The following DCPS variants were observed in gnomAD, a reference collection of about 807,000 sequenced individuals.
The protein encoded by DCPS is m7GpppX diphosphatase.
In DCPS, 27 loss-of-function variants were observed where a neutral mutation model predicts 34.7. The ratio of observed to expected loss-of-function variants is 0.78; its 90% CI spans 0.57 to 1.07. The LOEUF is 1.07. DCPS is among the 50% of genes least tolerant of loss of function. The pLI is 0.00. For missense variants in DCPS, 464 were observed against 436.9 expected (o/e 1.06, Z -0.55); for synonymous variants, 185 against 185.7 (o/e 1.00, Z 0.03).
intron 2 of DCPS, among the ~76,000 whole-genome samples, chr11:126,326,500 G>A (rs2135322920): frequency 6.6e-6 from 1 of 152,310 alleles, no homozygotes; most frequent in Non-Finnish European, 1.5e-5. Context: ...ATTTTTGCGT[G>A]TCAGGCTTAG....
rs1951847877 is a variant in DCPS at position 126,338,182 on chromosome 11, T to G, written c.523-104T>G. 9.3e-7 allele frequency: 1 copy of G among 1,076,990 alleles called. No individual in the cohort carries two copies. The allele number at this position is 1,076,990 out of a possible 1,614,324, so 66.7% of individuals were successfully genotyped here. A position where few individuals can be genotyped will look rare whatever the true frequency, so the allele number is the denominator to read the frequency against. Reference sequence around the variant, plus strand: ...AGCGTGGCGGCCTTTTATGGCTTGGTTCTGTCTCCTGGAGAGGCCAGGGAA... The same window carrying G: ...AGCGTGGCGGCCTTTTATGGCTTGGGTCTGTCTCCTGGAGAGGCCAGGGAA... On this transcript the variant is annotated intron_variant, in intron 3 of 5. Coordinates refer to ENST00000263579, the MANE Select transcript of DCPS (RefSeq NM_014026.6). The surrounding 1 kb of genome is among the most constrained non-coding windows in gnomAD (Gnocchi z 5.4).
intron 4 of DCPS, among the ~76,000 whole-genome samples, chr11:126,340,179 G>A (rs1951865594): frequency 6.6e-6 from 1 of 152,176 alleles, no homozygotes; most frequent in Non-Finnish European, 1.5e-5. Flanking sequence ...TCCCCTTTAA[G>A]ACAGGAAAGA....
chr11:126,329,160 G>A lies in DCPS; in HGVS notation c.377-2245G>A, dbSNP rs1951763203. Among the ~76,000 whole-genome samples, 1 of 152,130 alleles carries A rather than the reference G, an allele frequency of 6.6e-6. No homozygotes were observed. The highest frequency in any genetic ancestry group is 2.4e-5 in the African/African-American group (1 of 41,426). On this transcript the variant is annotated intron_variant, in intron 2 of 5. Transcript: ENST00000263579. The surrounding 1 kb of genome is among the most constrained non-coding windows in gnomAD (Gnocchi z 5.0). The stretch of plus-strand genomic sequence containing the variant: ...TGAGATCTTGGTGTGCCTGACCTCT[G>A]ACCTCTGGCCCATGACCTATGACGC...
Position 126,315,041 on chromosome 11 carries a change from A to G in DCPS, c.376+8297A>G, listed in dbSNP as rs1046272181. On this transcript the variant is annotated intron_variant, in intron 2 of 5. Coordinates refer to ENST00000263579, the MANE Select transcript of DCPS (RefSeq NM_014026.6). The surrounding 1 kb of genome is among the most constrained non-coding windows in gnomAD (Gnocchi z 6.1). Reference sequence around the variant, plus strand: ...TAAAGACACATGCACACATATGTTCATTGTAGAGCTATTCATGATAGCAAA... The same window carrying G: ...TAAAGACACATGCACACATATGTTCGTTGTAGAGCTATTCATGATAGCAAA... 3.3e-5 allele frequency among the ~76,000 whole-genome samples: 5 copies of G among 152,112 alleles called. No individual in the cohort carries two copies. Among genetic ancestry groups the G allele is most frequent in the African/African-American group, 1.2e-4 (5 of 41,356 alleles).
chr11:126,333,277 C>A lies in DCPS; in HGVS notation c.522+1727C>A, dbSNP rs1409590049. On this transcript the variant is annotated intron_variant, in intron 3 of 5. Transcript: ENST00000263579. The surrounding 1 kb of genome is among the most constrained non-coding windows in gnomAD (Gnocchi z 5.7). ...TTCTTGGCTATTTCTAGTTTACAAG[C>A]ACTCAGCTTAACTGGCAACACTCAT... Among the ~76,000 whole-genome samples, 1 of 152,226 alleles carries A rather than the reference C, an allele frequency of 6.6e-6. No homozygotes were observed. Among genetic ancestry groups the A allele is most frequent in the Non-Finnish European group, 1.5e-5 (1 of 68,052 alleles).
rs1226710816 is a variant in DCPS at position 126,345,689 on chromosome 11, A to G, written c.*76A>G. 3.2e-6 allele frequency: 5 copies of G among 1,553,298 alleles called. No individual in the cohort carries two copies. In the African/African-American group the frequency reaches 6.8e-5, roughly 21 times the overall value. ...GACAAGATTTTTTATCTCCAAGTGAATTTTCTAAAAATGTATTTTATACCG... is the reference window on the plus strand; with the variant it reads ...GACAAGATTTTTTATCTCCAAGTGAGTTTTCTAAAAATGTATTTTATACCG... On this transcript the variant is annotated 3_prime_UTR_variant, in exon 6 of 6. Coordinates refer to ENST00000263579, the MANE Select transcript of DCPS (RefSeq NM_014026.6). The surrounding 1 kb of genome is among the most constrained non-coding windows in gnomAD (Gnocchi z 7.4).
rs1362710778 is a variant in DCPS at position 126,319,550 on chromosome 11, C to T, written c.377-11855C>T. Among the ~76,000 whole-genome samples, 1 of 152,112 alleles carries T rather than the reference C, an allele frequency of 6.6e-6. No individual in the cohort carries two copies. The highest frequency in any genetic ancestry group is 1.5e-5 in the Non-Finnish European group (1 of 68,016). On this transcript the variant is annotated intron_variant, in intron 2 of 5. Coordinates refer to ENST00000263579, the MANE Select transcript of DCPS (RefSeq NM_014026.6). This position sits in a 1 kb window ranked among gnomAD's most constrained non-coding sequence, Gnocchi z 4.5. ...TCCCCAGGAAGCATCTTGGAGGGCA[C>T]AAGCAGAGCATGAGCAGTGTCATCT...
Position 126,306,588 on chromosome 11 carries a change from G to A in DCPS, c.220G>A (p.Asp74Asn), listed in dbSNP as rs1951568921. 1 of 1,609,816 alleles carries A rather than the reference G, an allele frequency of 6.2e-7. No individual in the cohort carries two copies. The highest frequency in any genetic ancestry group is 1.7e-5 in the Admixed American group (1 of 59,894). The change falls in exon 2 of 6, where the codon GAT (aspartate) becomes AAT (asparagine). Residue 74 changes from aspartate (D) to asparagine (N), a missense_variant. Transcript: ENST00000263579. ...CCCACAGGTGAATGAGGCCTCTGGGGATGGGGATGGAGAGGATGCCGTTGT... is the reference window on the plus strand; with the variant it reads ...CCCACAGGTGAATGAGGCCTCTGGGAATGGGGATGGAGAGGATGCCGTTGT... Reference protein sequence around the residue: ...LHGKVNEASGDGDGEDAVVIL... With the variant: ...LHGKVNEASGNGDGEDAVVIL...
chr11:126,333,893 G>C lies in DCPS; in HGVS notation c.522+2343G>C, dbSNP rs561477181. Among the ~76,000 whole-genome samples the C allele has an allele frequency of 1.4e-3, 187 of 138,456 alleles. No homozygotes were observed. The South Asian group carries it at 0.015, about 11-fold the overall frequency. The allele number at this position is 138,456 out of a possible 152,430, so 90.8% of individuals were successfully genotyped here. The stretch of plus-strand genomic sequence containing the variant: ...TCTCTCTCTCTCTCTCTCTCTCTCT[G>C]ATATTTCTGACAACCATCAGATGTG... On this transcript the variant is annotated intron_variant, in intron 3 of 5. Coordinates refer to ENST00000263579, the MANE Select transcript of DCPS (RefSeq NM_014026.6). The surrounding 1 kb of genome is among the most constrained non-coding windows in gnomAD (Gnocchi z 5.7).
intron 2 of DCPS, among the ~76,000 whole-genome samples, chr11:126,330,186 C>G (rs1307657322): frequency 1.4e-5 from 2 of 144,854 alleles, no homozygotes; most frequent in Non-Finnish European, 3.1e-5. Flanking sequence ...GACACTTTTT[C>G]CTTTCAGGGG....
rs1027621560 is a variant in DCPS, at chr11:126,348,094, ATGTT to A, written c.*2484_*2487del. ...TAGGAATTTGACACCGGATAAATAAATGTTTGAGGGGCAAGAGAGATGGGACAGA... is the reference window on the plus strand; with the variant it reads ...TAGGAATTTGACACCGGATAAATAAATGAGGGGCAAGAGAGATGGGACAGA... On this transcript the variant is annotated 3_prime_UTR_variant, in exon 6 of 6. Transcript: ENST00000263579. This position sits in a 1 kb window ranked among gnomAD's most constrained non-coding sequence, Gnocchi z 5.3. Among the ~76,000 whole-genome samples the A allele has an allele frequency of 5.3e-5, 8 of 152,212 alleles. No homozygotes were observed. The highest frequency in any genetic ancestry group is 1.9e-4 in the African/African-American group (8 of 41,532).
At chr11:126,307,849 C>T (rs1240623606) in intron 2 of DCPS, among the ~76,000 whole-genome samples, 1 of 152,156 alleles carries the variant, frequency 6.6e-6, no homozygotes, top group African/African-American at 2.4e-5. Context: ...ATGAGGAAAC[C>T]GGTTTTTGAA....
At chr11:126,306,240 G>T (rs1171743984) in intron 1 of DCPS, among the ~76,000 whole-genome samples, 1 of 152,106 alleles carries the variant, frequency 6.6e-6, no homozygotes, top group Non-Finnish European at 1.5e-5. Context: ...AGATGTGGTG[G>T]CATGCGCCTG....
rs397784486 is a variant in DCPS at position 126,320,018 on chromosome 11, T to TC, written c.377-11387_377-11386insC. The stretch of plus-strand genomic sequence containing the variant: ...TGTCCTTTCAGATTTTTTTTTTTTT[T>TC]GAGATGGAATCTTGCTCTGTCACCC... On this transcript the variant is annotated intron_variant, in intron 2 of 5. Coordinates refer to ENST00000263579, the MANE Select transcript of DCPS (RefSeq NM_014026.6). This position sits in a 1 kb window ranked among gnomAD's most constrained non-coding sequence, Gnocchi z 4.7. Among the ~76,000 whole-genome samples the TC allele has an allele frequency of 2.6e-5, 4 of 151,356 alleles. No individual in the cohort carries two copies. The highest frequency in any genetic ancestry group is 1.3e-4 in the Admixed American group (2 of 15,160).
rs1033527749 is a variant in DCPS, at chr11:126,322,069, C to G, written c.377-9336C>G. On this transcript the variant is annotated intron_variant, in intron 2 of 5. Transcript: ENST00000263579. This position sits in a 1 kb window ranked among gnomAD's most constrained non-coding sequence, Gnocchi z 4.2. ...TTAAAGAAATAATTCAAGACAGTTTCCCAGGTCTGAAGAACATGATTTTTA... is the reference window on the plus strand; with the variant it reads ...TTAAAGAAATAATTCAAGACAGTTTGCCAGGTCTGAAGAACATGATTTTTA... Among the ~76,000 whole-genome samples, 6 of 152,078 alleles carry G rather than the reference C, an allele frequency of 3.9e-5. No homozygotes were observed. The highest frequency in any genetic ancestry group is 1.2e-4 in the African/African-American group (5 of 41,406).
chr11:126,331,613 G>A lies in DCPS; in HGVS notation c.522+63G>A. On this transcript the variant is annotated intron_variant, in intron 3 of 5. Coordinates refer to ENST00000263579, the MANE Select transcript of DCPS (RefSeq NM_014026.6). The surrounding 1 kb of genome is among the most constrained non-coding windows in gnomAD (Gnocchi z 7.2). ...CCGTGGCTGGTGCCTCCTCTTACGA[G>A]TGTCTATTGGGGTCATATTAGGGGC... 6.3e-7 allele frequency: 1 copy of A among 1,588,546 alleles called. No homozygotes were observed. The highest frequency in any genetic ancestry group is 1.3e-5 in the African/African-American group (1 of 74,586).
At chr11:126,316,066 C>T (rs775025423) in intron 2 of DCPS, among the ~76,000 whole-genome samples, 14 of 152,086 alleles carry the variant, frequency 9.2e-5, no homozygotes, top group Non-Finnish European at 1.6e-4. Context: ...TGCATTCCAA[C>T]AGTCCTTCAA....
At chr11:126,311,298 C>T (rs1951616931) in intron 2 of DCPS, among the ~76,000 whole-genome samples, 1 of 152,246 alleles carries the variant, frequency 6.6e-6, no homozygotes, top group African/African-American at 2.4e-5. Context: ...GACCTGGGTG[C>T]GAATCCTGGC....
chr11:126,310,621 T>A (rs1473890616), intron 2 of DCPS, among the ~76,000 whole-genome samples: 2 of 152,222 alleles, frequency 1.3e-5, no homozygotes, highest in African/African-American at 4.8e-5. Context: ...CAAACTGACC[T>A]ATGTGTAGAT....
Sources: gnomAD v4.1 joint callset for allele counts (sites outside exome capture counted in the v4.1 genomes callset) on GRCh38, gnomAD v4.1.1 for gene constraint, Gnocchi (gnomAD v3.1) non-coding constraint, MANE v1.5 for transcripts, NCBI Gene and HGNC (gene_info 2026-07-23, HGNC 2026-07-21) for gene names.